The following ANOS1 variants were observed in gnomAD, a reference collection of about 807,000 sequenced individuals.
ANOS1 encodes the protein anosmin 1.
ANOS1 carries 6 observed loss-of-function variants against 59.0 expected under a neutral mutation model. That is an observed-to-expected ratio of 0.10 (90% CI 0.06 to 0.20). The LOEUF (loss-of-function observed/expected upper bound fraction) is 0.20, where lower values mean the gene tolerates loss of function less well. Among genes scored for constraint, ANOS1 ranks in the 10% least tolerant of loss-of-function variants. ANOS1 has a pLI of 1.00. For missense variants in ANOS1, 433 were observed against 542.3 expected (o/e 0.80, Z 2.00); for synonymous variants, 217 against 223.4 (o/e 0.97, Z 0.25).
At position 8,563,957 on chromosome X, in the gene ANOS1, T is replaced by A. The variant is rs776521725; in HGVS notation, c.1207+4275A>T. Among the ~76,000 whole-genome samples, 44 of 111,415 alleles carry A rather than the reference T, an allele frequency of 3.9e-4. No homozygotes were observed. In the Middle Eastern group the frequency reaches 0.014, roughly 35 times the overall value. ...TTGAGGTTGAGATGCCTGTGTGACA[T>A]TCAGATACAGGGAATGACAGGCTAC... On this transcript the variant is annotated intron_variant, in intron 8 of 13. Coordinates refer to ENST00000262648, the MANE Select transcript of ANOS1 (RefSeq NM_000216.4).
chrX:8,641,236 A>G (rs1931660008), intron 2 of ANOS1, among the ~76,000 whole-genome samples: 1 of 111,941 alleles, frequency 8.9e-6, no homozygotes, highest in East Asian at 2.8e-4. Context: ...AGACACACAC[A>G]TGCATGCACA....
At chrX:8,658,781 G>A (rs953702286) in intron 2 of ANOS1, among the ~76,000 whole-genome samples, 1 of 111,842 alleles carries the variant, frequency 8.9e-6, no homozygotes, top group Admixed American at 9.5e-5. Context: ...GAATGCTGTG[G>A]AAACATGATC....
intron 2 of ANOS1, among the ~76,000 whole-genome samples, chrX:8,682,361 C>T (rs1280911839): frequency 9.2e-6 from 1 of 108,129 alleles, no homozygotes; most frequent in Non-Finnish European, 1.9e-5. Context: ...TCACCACACA[C>T]ACACACACAC....
At chrX:8,713,698 C>T (rs757691662) in intron 1 of ANOS1, among the ~76,000 whole-genome samples, 100 of 109,503 alleles carry the variant, frequency 9.1e-4, no homozygotes, top group Non-Finnish European at 1.4e-3. Context: ...CTGCAACCTC[C>T]GCCTCCCGGG....
chrX:8,724,373 G>C (rs1002937817), intron 1 of ANOS1, among the ~76,000 whole-genome samples: 1 of 112,216 alleles, frequency 8.9e-6, no homozygotes, highest in African/African-American at 3.2e-5. Context: ...CAGTAGAAGA[G>C]GGAAGAGAGG....
chrX:8,653,266 T>C (rs1368949273), intron 2 of ANOS1, among the ~76,000 whole-genome samples: 5 of 111,815 alleles, frequency 4.5e-5, no homozygotes, highest in South Asian at 7.8e-4. Context: ...CACCTCTTCA[T>C]TGCAGTTGCT....
intron 1 of ANOS1, among the ~76,000 whole-genome samples, chrX:8,722,532 G>A (rs190314372): frequency 1.9e-3 from 208 of 110,542 alleles, no homozygotes; most frequent in Non-Finnish European, 3.0e-3. Flanking sequence ...AATACCATCA[G>A]TTCATTCCTT....
At chrX:8,720,767 T>TA (rs777588091) in intron 1 of ANOS1, among the ~76,000 whole-genome samples, 30 of 107,971 alleles carry the variant, frequency 2.8e-4, no homozygotes, top group African/African-American at 9.8e-4. Flanking sequence ...ACAAAAAACT[T>TA]AAAAAAAAAG....
chrX:8,729,051 G>A (rs1396186654), intron 1 of ANOS1, among the ~76,000 whole-genome samples: 1 of 112,338 alleles, frequency 8.9e-6, no homozygotes, highest in Non-Finnish European at 1.9e-5. Flanking sequence ...GCAGGCCGAC[G>A]ACAGCAGGTC....
At chrX:8,696,018 A>C (rs181277624) in intron 2 of ANOS1, among the ~76,000 whole-genome samples, 118 of 112,291 alleles carry the variant, frequency 1.1e-3, no homozygotes, top group Non-Finnish European at 2.0e-3. Context: ...AGAACAAAAG[A>C]AATGTGAAAT....
At chrX:8,698,113 G>C (rs1157867744) in intron 2 of ANOS1, among the ~76,000 whole-genome samples, 1 of 112,098 alleles carries the variant, frequency 8.9e-6, no homozygotes, top group Non-Finnish European at 1.9e-5. Flanking sequence ...TGTCAGCTTT[G>C]TAATATATTC....
At chrX:8,559,798 A>G (rs968601858) in intron 8 of ANOS1, among the ~76,000 whole-genome samples, 2 of 111,232 alleles carry the variant, frequency 1.8e-5, no homozygotes, top group African/African-American at 6.5e-5. Context: ...GTGAATCAAA[A>G]CACACCACTC....
chrX:8,623,941 G>A (rs1032045824), intron 2 of ANOS1, among the ~76,000 whole-genome samples: 1 of 109,577 alleles, frequency 9.1e-6, no homozygotes, highest in African/African-American at 3.3e-5. Context: ...AGTAATGATC[G>A]TCACCATCAG....
intron 2 of ANOS1, 108 bp from the exon 3 acceptor site, chrX:8,623,778 G>T: frequency 1.6e-6 from 1 of 621,754 alleles, no homozygotes; most frequent in Non-Finnish European, 2.5e-6. Context: ...GTTTATTCTA[G>T]TTAGTTTAGA....
At chrX:8,533,102 T>A in intron 13 of ANOS1, 49 bp from the exon 14 acceptor site, 1 of 757,929 alleles carries the variant, frequency 1.3e-6, no homozygotes. Context: ...ATGTATCAAA[T>A]AAATGATAGA....
At chrX:8,625,892 C>G (rs1601989396) in intron 2 of ANOS1, among the ~76,000 whole-genome samples, 2 of 109,921 alleles carry the variant, frequency 1.8e-5, no homozygotes, top group Non-Finnish European at 1.9e-5. Context: ...GCGGGCAGAT[C>G]ATGAGGTCAG....
At chrX:8,556,961 T>A (rs1929959943) in intron 8 of ANOS1, among the ~76,000 whole-genome samples, 1 of 111,955 alleles carries the variant, frequency 8.9e-6, no homozygotes, top group East Asian at 2.8e-4. Flanking sequence ...CACAGCATGG[T>A]ACTGGTAACA....
intron 6 of ANOS1, among the ~76,000 whole-genome samples, chrX:8,578,520 T>C (rs1930368812): frequency 9.0e-6 from 1 of 111,697 alleles, no homozygotes; most frequent in Non-Finnish European, 1.9e-5. Context: ...ATGTCTGCTC[T>C]AGTTTTACTG....
At chrX:8,546,648 T>C (rs1415871847) in intron 9 of ANOS1, among the ~76,000 whole-genome samples, 1 of 111,655 alleles carries the variant, frequency 9.0e-6, no homozygotes, top group Non-Finnish European at 1.9e-5. Context: ...GCTACAAGTA[T>C]GTATTTCTGA....
Sources: gnomAD v4.1 joint callset for allele counts (sites outside exome capture counted in the v4.1 genomes callset) on GRCh38, gnomAD v4.1.1 for gene constraint, MANE v1.5 for transcripts, NCBI Gene and HGNC (gene_info 2026-07-23, HGNC 2026-07-21) for gene names.